Variants in UNC45B observed in about 807,000 individuals in gnomAD.
UNC45B encodes unc-45 myosin chaperone B, also known as protein unc-45 homolog B.
A neutral mutation model predicts 98.7 loss-of-function variants in UNC45B; 78 were observed. The observed-to-expected ratio is 0.79, with a 90% CI of 0.66 to 0.95. UNC45B has a LOEUF of 0.95. Among genes scored for constraint, UNC45B ranks in the 40% least tolerant of loss-of-function variants. The pLI, the probability that UNC45B is intolerant of heterozygous loss-of-function variation, is 0.00. For missense variants in UNC45B, 1,225 were observed against 1,184.9 expected, an observed-to-expected ratio of 1.03 and a Z score of -0.50; for synonymous variants, 462 against 480.4, an observed-to-expected ratio of 0.96 and a Z score of 0.50.
chr17:35,176,126 C>G, intron 15 of UNC45B, 92 bp downstream of exon 15: 1 of 1,299,084 alleles, frequency 7.7e-7, no homozygotes, highest in Non-Finnish European at 1.1e-6. Flanking sequence ...ACTCGACCTC[C>G]TGGAATACGG....
intron 19 of UNC45B, 34 bp downstream of exon 19, chr17:35,183,616 G>C: frequency 6.8e-7 from 1 of 1,470,492 alleles, no homozygotes; most frequent in Non-Finnish European, 9.0e-7. Context: ...GACGGGCTGG[G>C]TGGCTCCAGG....
chr17:35,186,216 C>T lies in UNC45B; in HGVS notation c.2530-83C>T, dbSNP rs148033131. The T allele has an allele frequency of 2.2e-4, 336 of 1,558,634 alleles. 2 individuals are homozygous for T. The African/African-American group carries it at 4.1e-3, about 19-fold the overall frequency. On this transcript the variant is annotated intron_variant, in intron 19 of 19. Transcript: ENST00000394570. ...AAGGACCCACCTCCTAACATTGCCA[C>T]ACCAGGGACCACATTTCCAACACAT...
intron 18 of UNC45B, 64 bp downstream of exon 18, chr17:35,180,740 A>T: frequency 2.3e-6 from 3 of 1,322,350 alleles, no homozygotes; most frequent in Non-Finnish European, 3.3e-6. Context: ...GGCCAGGGTC[A>T]GGGCCTGGGG....
chr17:35,166,085 C>CAA (rs1277152297), intron 9 of UNC45B, among the ~76,000 whole-genome samples: 1 of 16,256 alleles, frequency 6.2e-5, no homozygotes, highest in Non-Finnish European at 1.0e-4. Flanking sequence ...ACCCTCATCT[C>CAA]TAAAAAAAAA....
intron 5 of UNC45B, 73 bp from the exon 6 acceptor site, chr17:35,154,501 T>C: frequency 6.9e-7 from 1 of 1,440,382 alleles, no homozygotes; most frequent in South Asian, 1.3e-5. Context: ...TGGCTCTTCT[T>C]GTACTTGGCC....
chr17:35,170,093 G>A lies in UNC45B; in HGVS notation c.1548-21G>A, dbSNP rs187328022. 62 of 1,604,090 alleles carry A rather than the reference G, an allele frequency of 3.9e-5. 1 individual carries two copies. The Admixed American group carries it at 6.4e-4, about 16-fold the overall frequency. On this transcript the variant is annotated intron_variant, in intron 11 of 19. Transcript: ENST00000394570. ...CCTAGCCCTGGGCCCCTTCCCATGT[G>A]TGCTCCCTCCTCACTTCCAGGTGGC...
chr17:35,175,917 G>C (rs2092229241), intron 14 of UNC45B, 51 bp from the exon 15 acceptor site: 2 of 1,564,920 alleles, frequency 1.3e-6, no homozygotes, highest in East Asian at 4.5e-5. Context: ...GCTGCTGCCT[G>C]GGAAGGTGTG....
intron 15 of UNC45B, 32 bp from the exon 16 acceptor site, chr17:35,176,985 T>C (rs2092238435): frequency 6.4e-7 from 1 of 1,572,478 alleles, no homozygotes; most frequent in Non-Finnish European, 8.7e-7. Flanking sequence ...TGGATGTCTG[T>C]GACTAAGTAG....
In UNC45B at chr17:35,187,557, T is replaced by C. The variant is rs1407178607; in HGVS notation, c.*998T>C. 1 of 152,174 alleles carries C rather than the reference T, an allele frequency of 6.6e-6. No individual in the cohort carries two copies. The highest frequency in any genetic ancestry group is 1.5e-5 in the Non-Finnish European group (1 of 68,046). The allele number at this position is 152,174 out of a possible 1,614,324, so 9.4% of individuals were successfully genotyped here. A position where few individuals can be genotyped will look rare whatever the true frequency, so the allele number is the denominator to read the frequency against. On this transcript the variant is annotated 3_prime_UTR_variant, in exon 20 of 20. Coordinates refer to ENST00000394570, the MANE Select transcript of UNC45B (RefSeq NM_001267052.2). ...GGTCACATTTCCATCTATGAACCAA[T>C]CATATTCAGAGGTGGAATGCTAATT...
chr17:35,151,812 C>G (rs917032251), intron 4 of UNC45B, among the ~76,000 whole-genome samples: 1 of 152,202 alleles, frequency 6.6e-6, no homozygotes, highest in Non-Finnish European at 1.5e-5. Context: ...AGGAAATGAG[C>G]ACAAGGCTGG....
chr17:35,185,648 C>T (rs958501865), intron 19 of UNC45B, among the ~76,000 whole-genome samples: 1 of 152,094 alleles, frequency 6.6e-6, no homozygotes, highest in African/African-American at 2.4e-5. Flanking sequence ...CCTGCATCCA[C>T]TTCTACTTGT....
At chr17:35,153,023 G>A (rs201868610) in intron 5 of UNC45B, 41 bp downstream of exon 5, 221 of 1,532,458 alleles carry the variant, frequency 1.4e-4, no homozygotes, top group Middle Eastern at 7.5e-4. Flanking sequence ...AGAAGGACCC[G>A]CCAGTCTGGA....
intron 7 of UNC45B, among the ~76,000 whole-genome samples, chr17:35,156,591 A>C (rs946255700): frequency 6.6e-5 from 10 of 152,080 alleles, no homozygotes; most frequent in Non-Finnish European, 1.5e-4. Context: ...GCACCACTGC[A>C]CTCCAACCCG....
In UNC45B at chr17:35,177,446, C is replaced by T. The variant is rs12451132; in HGVS notation, c.2140-49C>T. ...TGGTCACCTATAAATGTGAGGCACT[C>T]AGGGAACAAAGTCCTCACCTGACCA... On this transcript the variant is annotated intron_variant, in intron 16 of 19. Coordinates refer to ENST00000394570, the MANE Select transcript of UNC45B (RefSeq NM_001267052.2). 276,930 of 1,391,230 alleles carry T rather than the reference C, an allele frequency of 0.2. 28,495 individuals are homozygous for T. Among genetic ancestry groups the T allele is most frequent in the Admixed American group, 0.25 (11,827 of 47,360 alleles). 86.2% of individuals were successfully genotyped at this position (1,391,230 alleles called of 1,614,324 possible).
intron 8 of UNC45B, among the ~76,000 whole-genome samples, chr17:35,160,816 A>G (rs1237202262): frequency 1.3e-5 from 2 of 152,192 alleles, no homozygotes; most frequent in South Asian, 2.1e-4. Flanking sequence ...CCTCTCCTCA[A>G]TCAACTTCTT....
intron 7 of UNC45B, among the ~76,000 whole-genome samples, chr17:35,155,917 A>G (rs574892556): frequency 6.6e-6 from 1 of 152,328 alleles, no homozygotes; most frequent in South Asian, 2.1e-4. Context: ...TAGCTGCAGT[A>G]TTCACAATTG....
intron 10 of UNC45B, among the ~76,000 whole-genome samples, chr17:35,169,198 C>A (rs1378868766): frequency 6.6e-6 from 1 of 151,912 alleles, no homozygotes; most frequent in Non-Finnish European, 1.5e-5. Flanking sequence ...TGCCACCACA[C>A]CCTGCTAATT....
Position 35,183,449 on chromosome 17 carries a change from A to T in UNC45B, c.2396A>T (p.Asp799Val). The change falls in exon 19 of 20, where the codon GAC (aspartate) becomes GTC (valine). Residue 799 changes from aspartate to valine, a missense_variant. Physicochemically the swap from Asp to Val is radical, Grantham distance 152 (BLOSUM62 -3). Coordinates refer to ENST00000394570, the MANE Select transcript of UNC45B (RefSeq NM_001267052.2). ...CAGGTACAGGAAAGGTTCTTGGCTG[A>T]CGGGAATGACCGGCTGAAGCTGGTG... is the stretch of plus-strand genomic sequence containing the variant. ...HKEVQERFLA[D>V]GNDRLKLVVL... The T allele has an allele frequency of 6.3e-7, 1 of 1,595,812 alleles. No individual in the cohort carries two copies. The highest frequency in any genetic ancestry group is 8.5e-7 in the Non-Finnish European group (1 of 1,170,854).
In UNC45B at chr17:35,186,626, C is replaced by T. The variant is rs551097676; in HGVS notation, c.*67C>T. On this transcript the variant is annotated 3_prime_UTR_variant, in exon 20 of 20. Transcript: ENST00000394570. ...CAGAGTCCTGGGTTGGTTGGGTTCTCCTGAAGAGTCAGGTCATCTAGGGAT... is the reference window on the plus strand; with the variant it reads ...CAGAGTCCTGGGTTGGTTGGGTTCTTCTGAAGAGTCAGGTCATCTAGGGAT... 23 of 1,565,686 alleles carry T rather than the reference C, an allele frequency of 1.5e-5. No individual in the cohort carries two copies. The East Asian group carries it at 2.5e-4, about 17-fold the overall frequency.
Sources: allele counts gnomAD v4.1 joint callset (sites outside exome capture counted in the v4.1 genomes callset), GRCh38; gene constraint gnomAD v4.1.1; transcripts MANE v1.5; gene names NCBI Gene and HGNC (gene_info 2026-07-23, HGNC 2026-07-21).